The following CAMK4 variants were observed in gnomAD, a reference collection of about 807,000 sequenced individuals.
CAMK4 encodes calcium/calmodulin-dependent protein kinase type IV.
In CAMK4, 22 loss-of-function variants were observed where a neutral mutation model predicts 44.9. The ratio of observed to expected loss-of-function variants is 0.49; its 90% CI spans 0.35 to 0.70. The LOEUF (loss-of-function observed/expected upper bound fraction) is 0.70, where lower values mean the gene tolerates loss of function less well. Ranked by LOEUF, CAMK4 falls within the 30% of genes least tolerant of loss-of-function variation. The pLI, the probability that CAMK4 is intolerant of heterozygous loss-of-function variation, is 0.01. For synonymous variants in CAMK4, 218 were observed against 215.4 expected (o/e 1.01, Z -0.11); for missense variants, 498 against 586.8 (o/e 0.85, Z 1.56).
chr5:111,357,669 A>G lies in CAMK4; in HGVS notation c.240+13567A>G, dbSNP rs73214418. 3.5e-3 allele frequency among the ~76,000 whole-genome samples: 539 copies of G among 152,200 alleles called. 4 individuals are homozygous for G. Among genetic ancestry groups the G allele is most frequent in the African/African-American group, 0.012 (505 of 41,554 alleles). Reference sequence around the variant, plus strand: ...AGGATACTAATTAAAAGAGATCCATATAGTTTTCAGTACTGAATTAGTTTT... The same window carrying G: ...AGGATACTAATTAAAAGAGATCCATGTAGTTTTCAGTACTGAATTAGTTTT... On this transcript the variant is annotated intron_variant, in intron 2 of 10. Transcript: ENST00000282356.
intron 1 of CAMK4, among the ~76,000 whole-genome samples, chr5:111,311,532 G>T (rs1748204034): frequency 1.3e-5 from 2 of 152,168 alleles, no homozygotes; most frequent in South Asian, 4.1e-4. Flanking sequence ...AGGCCAGGTT[G>T]TTCTGGACAG....
At chr5:111,293,092 T>C (rs1747340974) in intron 1 of CAMK4, among the ~76,000 whole-genome samples, 1 of 152,172 alleles carries the variant, frequency 6.6e-6, no homozygotes, top group African/African-American at 2.4e-5. Flanking sequence ...AAACTGAATA[T>C]AATTGGTATT....
chr5:111,478,483 A>T lies in CAMK4; in HGVS notation c.804A>T (p.Glu268Asp), dbSNP rs140425791. 64 of 1,545,116 alleles carry T rather than the reference A, an allele frequency of 4.1e-5. No homozygotes were observed. In the African/African-American group the frequency reaches 5.2e-4, roughly 12 times the overall value. Residue 268 changes from glutamate (E) to aspartate (D), a missense_variant, in exon 9 of 11, where the codon GAA (glutamate) becomes GAT (aspartate). This residue lies in a region of CAMK4 where 203 missense variants were observed against 298.2 expected (regional missense o/e 0.68). Transcript: ENST00000282356. Reference protein sequence around the residue: ...EYYFISPWWDEVSLNAKDLVR... With the variant: ...EYYFISPWWDDVSLNAKDLVR... ...ACTTTATCTCCCCCTGGTGGGATGA[A>T]GTATCTCTAAATGCCAAGGACTTGG...
At chr5:111,403,206 A>G (rs1175748849) in intron 5 of CAMK4, among the ~76,000 whole-genome samples, 2 of 152,200 alleles carry the variant, frequency 1.3e-5, no homozygotes, top group African/African-American at 2.4e-5. Context: ...ATTTGAAGGG[A>G]CAATGAAGTT....
chr5:111,445,413 GTTTGGT>G (rs928543994), intron 5 of CAMK4, among the ~76,000 whole-genome samples: 8 of 151,628 alleles, frequency 5.3e-5, no homozygotes, highest in African/African-American at 1.9e-4. Flanking sequence ...TTTTTTTTTG[GTTTGGT>G]TTTTTGTTTT....
chr5:111,287,307 A>G (rs1266059892), intron 1 of CAMK4, among the ~76,000 whole-genome samples: 13 of 152,184 alleles, frequency 8.5e-5, no homozygotes, highest in Non-Finnish European at 1.3e-4. Flanking sequence ...ACAGGATAGG[A>G]ACAAAGTTCC....
At chr5:111,247,440 A>C (rs1341698364) in intron 1 of CAMK4, among the ~76,000 whole-genome samples, 1 of 148,198 alleles carries the variant, frequency 6.7e-6, no homozygotes, top group Non-Finnish European at 1.5e-5. Context: ...TAGATACATA[A>C]ATTTATAAAT....
intron 2 of CAMK4, among the ~76,000 whole-genome samples, chr5:111,358,321 C>T: frequency 6.6e-6 from 1 of 152,038 alleles, no homozygotes; most frequent in East Asian, 1.9e-4. Flanking sequence ...TGATTCTTAA[C>T]TCTTTGTCTT....
chr5:111,338,624 T>C (rs1421937716), intron 1 of CAMK4, among the ~76,000 whole-genome samples: 1 of 151,328 alleles, frequency 6.6e-6, no homozygotes, highest in African/African-American at 2.4e-5. Context: ...CTTTAATGCA[T>C]TTTGAGTTAA....
At chr5:111,479,252 G>C (rs146146377) in intron 9 of CAMK4, among the ~76,000 whole-genome samples, 1 of 152,042 alleles carries the variant, frequency 6.6e-6, no homozygotes, top group African/African-American at 2.4e-5. Context: ...TAATAGTAAC[G>C]TAAGTCCCAT....
rs543116834 is a variant in CAMK4 at position 111,249,633 on chromosome 5, T to C, written c.161+24989T>C. ...TGGTTCTTTTATATTTGTGTGTATATATATATATATATGTGTGTGTGTGTG... is the reference window on the plus strand; with the variant it reads ...TGGTTCTTTTATATTTGTGTGTATACATATATATATATGTGTGTGTGTGTG... On this transcript the variant is annotated intron_variant, in intron 1 of 10. Transcript: ENST00000282356. 6.2e-3 allele frequency among the ~76,000 whole-genome samples: 729 copies of C among 117,530 alleles called. 5 individuals are homozygous for C. Among genetic ancestry groups the C allele is most frequent in the Non-Finnish European group, 0.011 (591 of 53,582 alleles). 77.1% of individuals were successfully genotyped at this position (117,530 alleles called of 152,430 possible).
At chr5:111,280,774 G>A (rs1026558690) in intron 1 of CAMK4, among the ~76,000 whole-genome samples, 2 of 152,180 alleles carry the variant, frequency 1.3e-5, no homozygotes, top group East Asian at 3.8e-4. Flanking sequence ...AAAGGAAGCA[G>A]GCTAGAGAGA....
At chr5:111,372,884 T>C (rs965900962) in intron 2 of CAMK4, among the ~76,000 whole-genome samples, 2 of 152,160 alleles carry the variant, frequency 1.3e-5, no homozygotes, top group Non-Finnish European at 2.9e-5. Context: ...AGAGTTAGGT[T>C]GCTTTTCTCT....
chr5:111,421,127 A>G (rs934153662), intron 5 of CAMK4, among the ~76,000 whole-genome samples: 1 of 152,240 alleles, frequency 6.6e-6, no homozygotes, highest in African/African-American at 2.4e-5. Context: ...ATAAATGTCC[A>G]TGAAAACTTC....
At chr5:111,259,995 C>T (rs921363865) in intron 1 of CAMK4, among the ~76,000 whole-genome samples, 4 of 152,096 alleles carry the variant, frequency 2.6e-5, no homozygotes, top group Non-Finnish European at 4.4e-5. Flanking sequence ...AAGAACATAT[C>T]GATTAAATAC....
intron 7 of CAMK4, among the ~76,000 whole-genome samples, chr5:111,468,557 CT>C (rs1424553781): frequency 2.0e-5 from 3 of 152,152 alleles, no homozygotes; most frequent in African/African-American, 7.2e-5. Flanking sequence ...ACTTAGGAGA[CT>C]TGAAGCTGGG....
rs1748114828 is a variant in CAMK4, at chr5:111,224,946, C to T, written c.161+302C>T. On this transcript the variant is annotated intron_variant, in intron 1 of 10. Transcript: ENST00000282356. The surrounding 1 kb of genome is among the most constrained non-coding windows in gnomAD (Gnocchi z 5.7). ...CCACCGCACGTGGGCCCTGCTTTCC[C>T]AATTGATATCTTTGCTCACGATTAT... Among the ~76,000 whole-genome samples, 1 of 152,022 alleles carries T rather than the reference C, an allele frequency of 6.6e-6. No homozygotes were observed.
chr5:111,253,085 G>A (rs556809059), intron 1 of CAMK4, among the ~76,000 whole-genome samples: 5 of 152,244 alleles, frequency 3.3e-5, no homozygotes, highest in South Asian at 2.1e-4. Context: ...CTTGGCTTCC[G>A]CTGATTAAAT....
intron 7 of CAMK4, among the ~76,000 whole-genome samples, chr5:111,469,181 A>C (rs1754974097): frequency 1.4e-5 from 1 of 71,224 alleles, no homozygotes; most frequent in African/African-American, 5.2e-5. Context: ...AAATATATAT[A>C]TATATATATA....
Sources: gnomAD v4.1 joint callset for allele counts (sites outside exome capture counted in the v4.1 genomes callset) on GRCh38, gnomAD v4.1.1 for gene constraint, gnomAD v4.1.1 regional missense constraint, Gnocchi (gnomAD v3.1) non-coding constraint, MANE v1.5 for transcripts, NCBI Gene and HGNC (gene_info 2026-07-23, HGNC 2026-07-21) for gene names.